Variants in EYS observed in about 807,000 individuals in gnomAD.
EYS encodes protein eyes shut homolog.
A neutral mutation model predicts 282.1 loss-of-function variants in EYS; 250 were observed. That is an observed-to-expected ratio of 0.89 (90% CI 0.80 to 0.98). EYS has a LOEUF of 0.98. Ranked by LOEUF, EYS falls within the 50% of genes least tolerant of loss-of-function variation. The probability of loss-of-function intolerance (pLI) is 0.00; values close to 1 mark genes in which losing one functional copy is unlikely to be tolerated. For missense variants in EYS, 4,016 were observed against 3,709.0 expected (o/e 1.08, Z -2.15); for synonymous variants, 1,355 against 1,282.9 (o/e 1.06, Z -1.20).
At chr6:64,435,619 T>A (rs1774716803) in intron 28 of EYS, among the ~76,000 whole-genome samples, 1 of 149,812 alleles carries the variant, frequency 6.7e-6, no homozygotes, top group South Asian at 2.1e-4. Context: ...AAGCATTACA[T>A]CTATATTAAA....
At chr6:64,458,675 A>AT (rs58340958) in intron 26 of EYS, among the ~76,000 whole-genome samples, 3 of 151,914 alleles carry the variant, frequency 2.0e-5, no homozygotes, top group East Asian at 1.9e-4. Context: ...ATTGAATCTG[A>AT]TTTTTTTAAT....
chr6:63,822,641 G>A (rs926318429), intron 36 of EYS: 3 of 152,126 alleles, frequency 2.0e-5, no homozygotes, highest in East Asian at 1.9e-4. Flanking sequence ...AAAAGCTACC[G>A]ATTTTTATTT....
At chr6:65,184,922 A>G (rs1408076431) in intron 12 of EYS, among the ~76,000 whole-genome samples, 1 of 151,686 alleles carries the variant, frequency 6.6e-6, no homozygotes, top group Non-Finnish European at 1.5e-5. Flanking sequence ...GCACAACACT[A>G]TGGAATGTTT....
chr6:63,773,364 G>C (rs926347168), intron 40 of EYS, among the ~76,000 whole-genome samples: 1 of 152,062 alleles, frequency 6.6e-6, no homozygotes, highest in African/African-American at 2.4e-5. Context: ...AAGGGAGGAG[G>C]AAAAAAGGAG....
At chr6:65,074,766 A>T (rs1773997292) in intron 12 of EYS, among the ~76,000 whole-genome samples, 1 of 151,966 alleles carries the variant, frequency 6.6e-6, no homozygotes, top group African/African-American at 2.4e-5. Context: ...GTATCTAGGA[A>T]CATAATTGAC....
chr6:64,262,392 G>A (rs1199966033), intron 30 of EYS, among the ~76,000 whole-genome samples: 3 of 151,160 alleles, frequency 2.0e-5, no homozygotes, highest in African/African-American at 7.3e-5. Context: ...TGCATAATTT[G>A]TATTTTTATA....
At chr6:65,555,678 C>T (rs1451405210) in intron 2 of EYS, among the ~76,000 whole-genome samples, 1 of 152,070 alleles carries the variant, frequency 6.6e-6, no homozygotes, top group Non-Finnish European at 1.5e-5. Context: ...ATTTTGTTGG[C>T]AAATTAATAA....
intron 19 of EYS, among the ~76,000 whole-genome samples, chr6:64,832,980 T>C (rs529275252): frequency 1.3e-5 from 2 of 152,052 alleles, no homozygotes; most frequent in South Asian, 4.1e-4. Flanking sequence ...TATTCTTATG[T>C]GCATCATTGA....
At chr6:64,047,907 TTTTA>T (rs1770681982) in intron 33 of EYS, among the ~76,000 whole-genome samples, 1 of 152,224 alleles carries the variant, frequency 6.6e-6, no homozygotes, top group African/African-American at 2.4e-5. Flanking sequence ...TTTTATTTTA[TTTTA>T]TTTATTTATT....
intron 31 of EYS, among the ~76,000 whole-genome samples, chr6:64,132,337 A>G (rs575772652): frequency 2.4e-4 from 36 of 152,016 alleles, no homozygotes; most frequent in South Asian, 1.4e-3. Context: ...CAGCAGTTGA[A>G]TTATCTTATT....
rs188220961 is a variant in EYS at position 63,800,089 on chromosome 6, A to G, written c.7411+6101T>C. Among the ~76,000 whole-genome samples, 20 of 152,306 alleles carry G rather than the reference A, an allele frequency of 1.3e-4. No homozygotes were observed. In the East Asian group the frequency reaches 3.9e-3, roughly 29 times the overall value. On this transcript the variant is annotated intron_variant, in intron 37 of 42. Transcript: ENST00000503581. ...AGTGAAAGGGAAGGATGAGAAACAC[A>G]TTGGAGGATGTGTTCTGTTCTCTGA... is the stretch of plus-strand genomic sequence containing the variant.
chr6:65,261,705 G>A (rs1391534876), intron 12 of EYS, among the ~76,000 whole-genome samples: 1 of 151,974 alleles, frequency 6.6e-6, no homozygotes, highest in Non-Finnish European at 1.5e-5. Context: ...AATCTATACT[G>A]CTTTGTTTCT....
intron 24 of EYS, among the ~76,000 whole-genome samples, chr6:64,606,890 C>G (rs1222719322): frequency 6.6e-6 from 1 of 152,062 alleles, no homozygotes; most frequent in Non-Finnish European, 1.5e-5. Context: ...ATATCAAAAG[C>G]AGCAAGCAAG....
intron 31 of EYS, among the ~76,000 whole-genome samples, chr6:64,163,244 T>C (rs575219227): frequency 5.9e-5 from 9 of 152,250 alleles, no homozygotes; most frequent in African/African-American, 2.2e-4. Flanking sequence ...CATATAATAC[T>C]ACATAATATT....
intron 12 of EYS, among the ~76,000 whole-genome samples, chr6:65,267,993 A>AAGG (rs1270343394): frequency 6.6e-6 from 1 of 151,808 alleles, no homozygotes; most frequent in Non-Finnish European, 1.5e-5. Context: ...AAAAGCATAT[A>AAGG]AAGAAAACAT....
chr6:64,080,512 T>TTCAC (rs1771928805), intron 32 of EYS, among the ~76,000 whole-genome samples: 1 of 152,184 alleles, frequency 6.6e-6, no homozygotes, highest in East Asian at 1.9e-4. Context: ...AGGTTGCCTG[T>TTCAC]TCACTCTGAT....
intron 9 of EYS, among the ~76,000 whole-genome samples, chr6:65,349,064 T>C (rs913562843): frequency 2.0e-5 from 3 of 151,678 alleles, no homozygotes; most frequent in Non-Finnish European, 4.4e-5. Context: ...TTTTTTCAGA[T>C]GGCTATCCAG....
intron 30 of EYS, among the ~76,000 whole-genome samples, chr6:64,294,720 T>C (rs1402075016): frequency 6.6e-6 from 1 of 152,210 alleles, no homozygotes; most frequent in African/African-American, 2.4e-5. Context: ...TGGATAAAAC[T>C]ACTGATGGCT....
At chr6:64,423,395 A>G (rs1299500217) in intron 28 of EYS, among the ~76,000 whole-genome samples, 6 of 152,220 alleles carry the variant, frequency 3.9e-5, no homozygotes, top group African/African-American at 1.2e-4. Context: ...TTTTAACTAT[A>G]AGTTTAGTAT....
Sources: allele counts gnomAD v4.1 joint callset (sites outside exome capture counted in the v4.1 genomes callset), GRCh38; gene constraint gnomAD v4.1.1; transcripts MANE v1.5; gene names NCBI Gene and HGNC (gene_info 2026-07-23, HGNC 2026-07-21).